The following NAV2 variants were observed in gnomAD, a reference collection of about 807,000 sequenced individuals.
The protein encoded by NAV2 is neuron navigator 2.
NAV2 carries 54 observed loss-of-function variants against 223.2 expected under a neutral mutation model. The ratio of observed to expected loss-of-function variants is 0.24; its 90% CI spans 0.19 to 0.30. The LOEUF (loss-of-function observed/expected upper bound fraction) is 0.30. Ranked by LOEUF, NAV2 falls within the 10% of genes least tolerant of loss-of-function variation. The probability of loss-of-function intolerance (pLI) is 1.00; values close to 1 mark genes in which losing one functional copy is unlikely to be tolerated. For missense variants in NAV2, 2,806 were observed against 3,147.5 expected, an observed-to-expected ratio of 0.89 and a Z score of 2.60; for synonymous variants, 1,279 against 1,239.3, an observed-to-expected ratio of 1.03 and a Z score of -0.67.
chr11:19,500,805 G>A (rs189961727), intron 1 of NAV2, among the ~76,000 whole-genome samples: 6 of 152,324 alleles, frequency 3.9e-5, no homozygotes, highest in Admixed American at 3.9e-4. Flanking sequence ...TGCTCAGGCT[G>A]GGTCACACAG....
intron 11 of NAV2, among the ~76,000 whole-genome samples, chr11:20,001,761 G>A (rs1016854393): frequency 2.0e-5 from 3 of 151,728 alleles, no homozygotes; most frequent in Non-Finnish European, 4.4e-5. Flanking sequence ...TGTAAATGTC[G>A]AGTTAATGGG....
intron 6 of NAV2, among the ~76,000 whole-genome samples, chr11:19,927,492 G>C (rs1330834407): frequency 6.6e-6 from 1 of 152,218 alleles, no homozygotes; most frequent in Non-Finnish European, 1.5e-5. Flanking sequence ...TGAGGCAGCA[G>C]ACTTGCCTGC....
chr11:19,917,562 T>C (rs2043913243), intron 6 of NAV2, among the ~76,000 whole-genome samples: 3 of 152,168 alleles, frequency 2.0e-5, no homozygotes, highest in Admixed American at 2.0e-4. Context: ...AATATTCTGC[T>C]ATCCCCCTCT....
intron 1 of NAV2, among the ~76,000 whole-genome samples, chr11:19,539,069 T>C (rs77919742): frequency 0.045 from 6,835 of 152,272 alleles, 235 homozygotes; most frequent in Non-Finnish European, 0.067. Flanking sequence ...TCATTTCTCA[T>C]CCCTCTCCCC....
chr11:19,539,616 A>G (rs543829596), intron 1 of NAV2, among the ~76,000 whole-genome samples: 1 of 152,346 alleles, frequency 6.6e-6, no homozygotes, highest in South Asian at 2.1e-4. Flanking sequence ...GTTTTTCAAC[A>G]TTCTTTTTCT....
intron 1 of NAV2, among the ~76,000 whole-genome samples, chr11:19,671,767 C>A (rs182183153): frequency 1.3e-5 from 2 of 152,310 alleles, no homozygotes; most frequent in Admixed American, 1.3e-4. Context: ...AATGTAAAAA[C>A]CATTCTTAGC....
Position 19,627,099 on chromosome 11 carries a change from C to A in NAV2, c.76-205385C>A, listed in dbSNP as rs572023227. Reference sequence around the variant, plus strand: ...TATAATCAGTTGAAGGTCAAGAGATCCATGTGGGCCGGGTGCGGTGACTCA... The same window carrying A: ...TATAATCAGTTGAAGGTCAAGAGATACATGTGGGCCGGGTGCGGTGACTCA... On this transcript the variant is annotated intron_variant, in intron 1 of 37. Coordinates refer to the NAV2 transcript ENST00000360655. 7.2e-5 allele frequency among the ~76,000 whole-genome samples: 11 copies of A among 152,204 alleles called. No individual in the cohort carries two copies. In the South Asian group the frequency reaches 1.7e-3, roughly 23 times the overall value.
At chr11:19,901,482 G>C (rs2042439543) in intron 6 of NAV2, among the ~76,000 whole-genome samples, 1 of 151,318 alleles carries the variant, frequency 6.6e-6, no homozygotes, top group Non-Finnish European at 1.5e-5. Flanking sequence ...GGGAAGCAGA[G>C]GTTGCAGTGA....
intron 1 of NAV2, among the ~76,000 whole-genome samples, chr11:19,800,839 C>T (rs1023190530): frequency 4.6e-5 from 7 of 152,098 alleles, no homozygotes; most frequent in Admixed American, 3.9e-4. Flanking sequence ...AACCTGGGAT[C>T]CCAGTCTGGT....
chr11:19,538,398 TG>T (rs2044246891), intron 1 of NAV2, among the ~76,000 whole-genome samples: 1 of 152,188 alleles, frequency 6.6e-6, no homozygotes, highest in Non-Finnish European at 1.5e-5. Flanking sequence ...TGGAGTACAG[TG>T]GGGCAGTCAT....
chr11:20,027,297 G>C (rs1274381137), intron 11 of NAV2: 3 of 979,724 alleles, frequency 3.1e-6, no homozygotes, highest in African/African-American at 1.8e-5. Context: ...ATCTCGTTCC[G>C]CTCGGGCCCC....
At chr11:20,014,389 A>G (rs1024438327) in intron 11 of NAV2, among the ~76,000 whole-genome samples, 10 of 152,188 alleles carry the variant, frequency 6.6e-5, no homozygotes, top group African/African-American at 1.9e-4. Context: ...CTGTGCCCCT[A>G]CAGCACCCTT....
intron 5 of NAV2, among the ~76,000 whole-genome samples, chr11:19,883,104 C>A (rs1431984429): frequency 6.6e-6 from 1 of 152,164 alleles, no homozygotes; most frequent in Non-Finnish European, 1.5e-5. Flanking sequence ...TTGATGCAAA[C>A]CCCCCACATG....
chr11:19,884,287 C>A, intron 5 of NAV2: 1 of 1,610,552 alleles, frequency 6.2e-7, no homozygotes, highest in South Asian at 1.1e-5. Flanking sequence ...TCTTTCCTAT[C>A]ATGCAGTGCA....
chr11:19,699,946 C>T (rs879436775), intron 1 of NAV2, among the ~76,000 whole-genome samples: 31 of 152,150 alleles, frequency 2.0e-4, no homozygotes, highest in Admixed American at 8.5e-4. Flanking sequence ...CTGGAGGATC[C>T]CCGTGAGCCA....
chr11:19,472,598 G>T (rs1265473382), intron 1 of NAV2, among the ~76,000 whole-genome samples: 1 of 152,100 alleles, frequency 6.6e-6, no homozygotes, highest in Non-Finnish European at 1.5e-5. Flanking sequence ...TTCCTCTTGT[G>T]TAGTCAGAGT....
chr11:19,838,901 G>A (rs1396218108), intron 2 of NAV2, among the ~76,000 whole-genome samples: 4 of 152,224 alleles, frequency 2.6e-5, no homozygotes, highest in African/African-American at 9.7e-5. Flanking sequence ...TGGGATTATA[G>A]GTGTGAGCCA....
At chr11:19,697,949 C>T (rs926550102) in intron 1 of NAV2, among the ~76,000 whole-genome samples, 1 of 152,156 alleles carries the variant, frequency 6.6e-6, no homozygotes, top group African/African-American at 2.4e-5. Context: ...TCTGTGCCTC[C>T]TTCCCTGGAA....
rs149561138 is a variant in NAV2, at chr11:19,782,223, G to T, written c.268-50261G>T. On this transcript the variant is annotated intron_variant, in intron 1 of 37. Transcript: ENST00000349880. ...CAGGAATAGTTCCATATGCATTTCC[G>T]CTGTGGGTAATGAGCCCTCATAGCC... 1.0e-3 allele frequency among the ~76,000 whole-genome samples: 156 copies of T among 152,312 alleles called. 4 individuals carry two copies. In the South Asian group the frequency reaches 0.022, roughly 21 times the overall value.
Sources: gnomAD v4.1 joint callset for allele counts (sites outside exome capture counted in the v4.1 genomes callset) on GRCh38, gnomAD v4.1.1 for gene constraint, MANE v1.5 for transcripts, NCBI Gene and HGNC (gene_info 2026-07-23, HGNC 2026-07-21) for gene names.